PEMT: variants seen among roughly 807,000 people sequenced by gnomAD.
PEMT encodes phosphatidylethanolamine N-methyltransferase.
PEMT carries 23 observed loss-of-function variants against 27.4 expected under a neutral mutation model. The ratio of observed to expected loss-of-function variants is 0.84; its 90% CI spans 0.60 to 1.19. The LOEUF is 1.19. PEMT is among the 50% of genes most tolerant of loss of function. The pLI is 0.00. For synonymous variants in PEMT, 137 were observed against 139.1 expected (o/e 0.98, Z 0.11); for missense variants, 307 against 310.1 (o/e 0.99, Z 0.07).
upstream of PEMT, chr17:17,591,744 C>G: frequency 2.7e-6 from 4 of 1,464,966 alleles, no homozygotes; most frequent in Non-Finnish European, 3.6e-6. Flanking sequence ...TGACCCCCAA[C>G]ATATTCCGGC....
chr17:17,547,744 A>G (rs1043314678), intron 2 of PEMT, among the ~76,000 whole-genome samples: 3 of 151,906 alleles, frequency 2.0e-5, no homozygotes, highest in African/African-American at 7.3e-5. Context: ...CTCCTTCCTC[A>G]TGCTCAAGGA....
At chr17:17,517,086 C>T (rs1459983598) in intron 3 of PEMT, among the ~76,000 whole-genome samples, 7 of 152,220 alleles carry the variant, frequency 4.6e-5, no homozygotes, top group Non-Finnish European at 7.3e-5. Context: ...CCACCAGGAG[C>T]TGGGCCTCAA....
Position 17,512,518 on chromosome 17 carries a change from T to C in PEMT, c.457A>G (p.Thr153Ala). Residue 153 changes from threonine to alanine, a missense_variant, in exon 4 of 7, where the codon ACT becomes GCT. Thr to Ala is a moderately conservative substitution (Grantham distance 58, BLOSUM62 0). Transcript: ENST00000255389. This position sits in a 1 kb window ranked among gnomAD's most constrained non-coding sequence, Gnocchi z 6.3. ...SSFFALGFAG[T>A]FLGDYFGILK... is the part of the protein sequence containing the mutation. ...GCCCTCAGGGTCTTACCTAGGAAAG[T>C]TCCAGCGAACCCCAGTGCAAAGAAG... 6.3e-7 allele frequency: 1 copy of C among 1,599,930 alleles called. No homozygotes were observed. Among genetic ancestry groups the C allele is most frequent in the Non-Finnish European group, 8.5e-7 (1 of 1,172,324 alleles).
chr17:17,573,283 G>A (rs1014799783), intron 2 of PEMT, among the ~76,000 whole-genome samples: 3 of 151,960 alleles, frequency 2.0e-5, no homozygotes, highest in Non-Finnish European at 2.9e-5. Context: ...TGGCCAAGAT[G>A]GTGAAACCCC....
intron 2 of PEMT, among the ~76,000 whole-genome samples, chr17:17,553,921 C>T (rs1909856538): frequency 6.6e-6 from 1 of 152,228 alleles, no homozygotes; most frequent in Non-Finnish European, 1.5e-5. Context: ...CTCCCCGCTG[C>T]CCGGCAGTCA....
intron 5 of PEMT, chr17:17,508,810 C>T: frequency 2.2e-6 from 1 of 461,026 alleles, no homozygotes; most frequent in Non-Finnish European, 4.5e-6. Context: ...GGGGCCCCCT[C>T]TGTGGGAAGG....
intron 1 of PEMT, among the ~76,000 whole-genome samples, chr17:17,579,084 G>A (rs938115939): frequency 1.3e-5 from 2 of 152,164 alleles, no homozygotes; most frequent in Admixed American, 1.3e-4. Flanking sequence ...CACATTTTGG[G>A]GAAGCGGTGG....
In PEMT at chr17:17,566,775, C is replaced by G. The variant is rs1028654404; in HGVS notation, c.204+10145G>C. Reference sequence around the variant, plus strand: ...TTCAGGAGATGCACCCAACTGGGCGCAGGGGGGCAGGTCGCGAACGAACCT... The same window carrying G: ...TTCAGGAGATGCACCCAACTGGGCGGAGGGGGGCAGGTCGCGAACGAACCT... On this transcript the variant is annotated intron_variant, in intron 2 of 6. Coordinates refer to ENST00000255389, the MANE Select transcript of PEMT (RefSeq NM_148172.3). Among the ~76,000 whole-genome samples the G allele has an allele frequency of 2.6e-5, 4 of 152,222 alleles. No individual in the cohort carries two copies. The East Asian group carries it at 7.7e-4, about 29-fold the overall frequency.
At chr17:17,506,673 T>C (rs966105837) in intron 5 of PEMT, among the ~76,000 whole-genome samples, 6 of 152,178 alleles carry the variant, frequency 3.9e-5, no homozygotes, top group Admixed American at 3.9e-4. Context: ...GAGGAGATTC[T>C]GGGGCAAAGT....
chr17:17,584,464 AC>A (rs765793674), intron 1 of PEMT, among the ~76,000 whole-genome samples: 2 of 151,568 alleles, frequency 1.3e-5, no homozygotes, highest in Non-Finnish European at 2.9e-5. Flanking sequence ...CCCGGCCCAA[AC>A]CTGGCTAATT....
chr17:17,526,851 G>T (rs911104458), intron 2 of PEMT, among the ~76,000 whole-genome samples: 2 of 152,094 alleles, frequency 1.3e-5, no homozygotes, highest in South Asian at 2.1e-4. Flanking sequence ...AAAAGCCAAG[G>T]CTTCTCAAAT....
chr17:17,558,618 G>A (rs890636740), intron 2 of PEMT, among the ~76,000 whole-genome samples: 28 of 151,218 alleles, frequency 1.9e-4, no homozygotes, highest in Admixed American at 1.8e-3. Flanking sequence ...AGGAGGCAGA[G>A]GTTGCAGTGA....
chr17:17,577,173 C>G lies in PEMT; in HGVS notation c.97-146G>C. 7 of 644,330 alleles carry G rather than the reference C, an allele frequency of 1.1e-5. No individual in the cohort carries two copies. In the East Asian group the frequency reaches 1.9e-4, roughly 18 times the overall value. 39.9% of individuals were successfully genotyped at this position (644,330 alleles called of 1,614,324 possible). A position where few individuals can be genotyped will look rare whatever the true frequency, so the allele number is the denominator to read the frequency against. ...GGCAAAGGTTACTACAGTGTAGTCTCATAAAAGGGAAGATAAAAAGCTGAA... is the reference window on the plus strand; with the variant it reads ...GGCAAAGGTTACTACAGTGTAGTCTGATAAAAGGGAAGATAAAAAGCTGAA... On this transcript the variant is annotated intron_variant, in intron 1 of 6. Coordinates refer to ENST00000255389, the MANE Select transcript of PEMT (RefSeq NM_148172.3).
chr17:17,537,740 A>G (rs185172673), intron 2 of PEMT, among the ~76,000 whole-genome samples: 4 of 152,360 alleles, frequency 2.6e-5, no homozygotes, highest in African/African-American at 9.6e-5. Context: ...AGAGACAGAC[A>G]AGCCTTCCAG....
intron 1 of PEMT, among the ~76,000 whole-genome samples, chr17:17,584,220 C>T (rs1268521547): frequency 2.6e-5 from 4 of 152,056 alleles, no homozygotes; most frequent in East Asian, 3.9e-4. Context: ...AGTACAGTGG[C>T]GCGATCTCTG....
At chr17:17,586,520 A>AGAAAGCGATCGTG (rs1912324100) in intron 1 of PEMT, among the ~76,000 whole-genome samples, 1 of 152,236 alleles carries the variant, frequency 6.6e-6, no homozygotes, top group East Asian at 1.9e-4. Context: ...AATCAGTCAC[A>AGAAAGCGATCGTG]GAAAGCGATC....
chr17:17,576,822 G>C, intron 2 of PEMT, 98 bp downstream of exon 2: 3 of 931,108 alleles, frequency 3.2e-6, no homozygotes, highest in Non-Finnish European at 5.3e-6. Context: ...CTGTCTGTCT[G>C]TCTGGCCAGC....
upstream of PEMT, chr17:17,591,917 C>T: frequency 3.0e-6 from 3 of 985,472 alleles, no homozygotes; most frequent in Non-Finnish European, 3.6e-6. Context: ...ATCCGGCCTC[C>T]CGCCCAGTGC....
At chr17:17,581,611 AC>A (rs58718405) in intron 1 of PEMT, among the ~76,000 whole-genome samples, 6,029 of 152,214 alleles carry the variant, frequency 0.04, 400 homozygotes, top group African/African-American at 0.14. Context: ...AGCAACTAAC[AC>A]TGGGGGAACC....
Sources: gnomAD v4.1 joint callset for allele counts (sites outside exome capture counted in the v4.1 genomes callset) on GRCh38, gnomAD v4.1.1 for gene constraint, Gnocchi (gnomAD v3.1) non-coding constraint, MANE v1.5 for transcripts, NCBI Gene and HGNC (gene_info 2026-07-23, HGNC 2026-07-21) for gene names.